Variants in SPAM1 observed in about 807,000 individuals in gnomAD.
The protein encoded by SPAM1 is hyaluronidase PH-20.
A neutral mutation model predicts 29.6 loss-of-function variants in SPAM1; 22 were observed. The ratio of observed to expected loss-of-function variants is 0.74; its 90% CI spans 0.53 to 1.06. The LOEUF is 1.06. Among genes scored for constraint, SPAM1 ranks in the 50% least tolerant of loss-of-function variants. SPAM1 has a pLI of 0.00. For synonymous variants in SPAM1, 194 were observed against 204.6 expected, an observed-to-expected ratio of 0.95 and a Z score of 0.44; for missense variants, 534 against 604.0, an observed-to-expected ratio of 0.88 and a Z score of 1.21.
chr7:123,959,803 T>A lies in SPAM1; in HGVS notation c.1364T>A (p.Val455Asp). ...EKADVKDTDAVDVCIADGVCI... is the reference protein window; with the variant it reads ...EKADVKDTDADDVCIADGVCI... ...GCTGATGTAAAAGACACTGATGCTG[T>A]TGATGTGTGTATTGCTGATGGTGTC... The change falls in exon 5 of 5, where the codon GTT becomes GAT. Residue 455 changes from valine (V) to aspartate (D), a missense_variant. Physicochemically the swap from Val to Asp is radical, Grantham distance 152. Transcript: ENST00000682466. 1 of 1,613,260 alleles carries A rather than the reference T, an allele frequency of 6.2e-7. No individual in the cohort carries two copies. Among genetic ancestry groups the A allele is most frequent in the Non-Finnish European group, 8.5e-7 (1 of 1,179,550 alleles).
chr7:123,939,309 A>G lies in SPAM1; in HGVS notation c.-318-10563A>G, dbSNP rs560666139. 1.4e-4 allele frequency among the ~76,000 whole-genome samples: 22 copies of G among 151,790 alleles called. No individual in the cohort carries two copies. The South Asian group carries it at 4.4e-3, about 30-fold the overall frequency. ...ACCATGTTAGCCAGGATGGTCTCCA[A>G]CTCCTGACCTCGTGATCTGCCCGCC... On this transcript the variant is annotated intron_variant, in intron 1 of 4. Coordinates refer to ENST00000682466, the MANE Select transcript of SPAM1 (RefSeq NM_153189.3).
chr7:123,932,221 G>A (rs1584946829), intron 1 of SPAM1: 1 of 152,266 alleles, frequency 6.6e-6, no homozygotes, highest in Admixed American at 6.5e-5. Flanking sequence ...GGTATCTATG[G>A]CTAGGAGGGC....
rs183255393 is a variant in SPAM1 at position 123,931,027 on chromosome 7, C to G, written c.-319+5675C>G. ...GGTGTTCTTAAGTCACTACTCTCAA[C>G]TGCGTCTGCCATACTGACCCCTCAT... On this transcript the variant is annotated intron_variant, in intron 1 of 4. Coordinates refer to ENST00000682466, the MANE Select transcript of SPAM1 (RefSeq NM_153189.3). 5.4e-4 allele frequency among the ~76,000 whole-genome samples: 82 copies of G among 152,202 alleles called. 1 individual carries two copies. Among genetic ancestry groups the G allele is most frequent in the Non-Finnish European group, 1.0e-3 (69 of 68,014 alleles).
chr7:123,959,486 A>G lies in SPAM1; in HGVS notation c.1047A>G (p.Lys349=), dbSNP rs758102741. The stretch of plus-strand genomic sequence containing the variant: ...ACTGTCTTATAATAATTTTACAGAA[A>G]TCTTGCTTGCTCCTAGACAATTACA... ...WGTLSIMRSM[K]SCLLLDNYME... is the part of the protein sequence containing the mutation. The change falls in exon 5 of 5, where the codon AAA becomes AAG. Residue 349 remains lysine, a splice_region_variant and synonymous_variant. Coordinates refer to ENST00000682466, the MANE Select transcript of SPAM1 (RefSeq NM_153189.3). 4 of 1,575,702 alleles carry G rather than the reference A, an allele frequency of 2.5e-6. No homozygotes were observed. The South Asian group carries it at 4.7e-5, about 18-fold the overall frequency.
intron 1 of SPAM1, among the ~76,000 whole-genome samples, chr7:123,928,191 G>A (rs1390209387): frequency 6.6e-6 from 1 of 151,940 alleles, no homozygotes; most frequent in Non-Finnish European, 1.5e-5. Flanking sequence ...AGAGTACTGC[G>A]CTACTTACAG....
chr7:123,958,518 T>A (rs559070504), intron 4 of SPAM1, among the ~76,000 whole-genome samples: 2 of 152,142 alleles, frequency 1.3e-5, no homozygotes, highest in East Asian at 3.9e-4. Flanking sequence ...AAGCCATCCT[T>A]TTCCATGCTA....
intron 5 of SPAM1, chr7:123,970,092 A>G: frequency 1.7e-6 from 2 of 1,165,980 alleles, no homozygotes; most frequent in Non-Finnish European, 2.4e-6. Flanking sequence ...GTCTCCTGGT[A>G]TTTATTCTGT....
intron 1 of SPAM1, among the ~76,000 whole-genome samples, chr7:123,946,264 C>A (rs553840052): frequency 6.6e-6 from 1 of 152,084 alleles, no homozygotes; most frequent in Non-Finnish European, 1.5e-5. Flanking sequence ...GCAAAATAAA[C>A]GTTAGATCTC....
chr7:123,925,734 A>C lies in SPAM1; in HGVS notation c.-319+382A>C, dbSNP rs1164704347. 5.1e-5 allele frequency: 3 copies of C among 59,380 alleles called. 1 individual carries two copies. The East Asian group carries it at 1.5e-3, about 30-fold the overall frequency. The allele number at this position is 59,380 out of a possible 1,614,324, so 3.7% of individuals were successfully genotyped here. ...CTGGGTGACAGAGTGAGACTCTGTC[A>C]CAAAAAAAAAAAAAAAGGCATTACA... On this transcript the variant is annotated intron_variant, in intron 1 of 4. Transcript: ENST00000682466.
At chr7:123,942,413 GA>G (rs1408613205) in intron 1 of SPAM1, among the ~76,000 whole-genome samples, 1 of 152,124 alleles carries the variant, frequency 6.6e-6, no homozygotes, top group Non-Finnish European at 1.5e-5. Flanking sequence ...GAGATAGTTT[GA>G]AACACATTTT....
intron 1 of SPAM1, 160 bp downstream of exon 1, chr7:123,925,512 ATG>A (rs1807849828): frequency 6.6e-6 from 1 of 152,122 alleles, no homozygotes; most frequent in Non-Finnish European, 1.5e-5. Flanking sequence ...AGAAGTTTTA[ATG>A]AGTAATCCAG....
chr7:123,938,199 C>T (rs2117032733), intron 1 of SPAM1, among the ~76,000 whole-genome samples: 1 of 152,066 alleles, frequency 6.6e-6, no homozygotes, highest in East Asian at 1.9e-4. Flanking sequence ...AACTCCTGGC[C>T]TCAAGTGATT....
intron 4 of SPAM1, among the ~76,000 whole-genome samples, chr7:123,959,016 G>A (rs1792305604): frequency 6.6e-6 from 1 of 151,882 alleles, no homozygotes; most frequent in African/African-American, 2.4e-5. Flanking sequence ...TTTCCAGATG[G>A]TAAAGCTGAA....
At chr7:123,943,057 ATTAAAAG>A (rs1417665665) in intron 1 of SPAM1, among the ~76,000 whole-genome samples, 1 of 152,240 alleles carries the variant, frequency 6.6e-6, no homozygotes, top group African/African-American at 2.4e-5. Context: ...TTACTCAATT[ATTAAAAG>A]CTGTAAATAT....
intron 2 of SPAM1, among the ~76,000 whole-genome samples, chr7:123,952,499 G>T (rs1231240379): frequency 6.6e-6 from 1 of 152,012 alleles, no homozygotes; most frequent in Non-Finnish European, 1.5e-5. Context: ...AATACTAAAT[G>T]CTGAGTATAT....
intron 1 of SPAM1, among the ~76,000 whole-genome samples, chr7:123,947,414 G>A (rs1160660992): frequency 6.6e-6 from 1 of 152,014 alleles, no homozygotes; most frequent in African/African-American, 2.4e-5. Context: ...TCCAGGTTTG[G>A]TGGTGTGCGC....
At chr7:123,961,683 A>G (rs1792361044), downstream of SPAM1, among the ~76,000 whole-genome samples, 1 of 151,910 alleles carries the variant, frequency 6.6e-6, no homozygotes. Context: ...GCTGTATCCT[A>G]TATGTATTGC....
At chr7:123,960,181 C>G, downstream of SPAM1, 1 of 601,664 alleles carries the variant, frequency 1.7e-6, no homozygotes, top group South Asian at 3.4e-5. Flanking sequence ...GATTTGTATT[C>G]CAGGAGTCAA....
rs529562340 is a variant in SPAM1 at position 123,946,824 on chromosome 7, TGTCTCAG to T, written c.-318-3045_-318-3039del. 1.1e-3 allele frequency among the ~76,000 whole-genome samples: 165 copies of T among 152,304 alleles called. 1 individual carries two copies. Among genetic ancestry groups the T allele is most frequent in the East Asian group, 9.5e-3 (49 of 5,168 alleles). On this transcript the variant is annotated intron_variant, in intron 1 of 4. Transcript: ENST00000682466. ...GGTAGAGGAAGCAATCAGATACGCA[TGTCTCAG>T]GTGAGCCTCAGTGGGATGACTTTGA...
Sources: allele counts gnomAD v4.1 joint callset (sites outside exome capture counted in the v4.1 genomes callset), GRCh38; gene constraint gnomAD v4.1.1; transcripts MANE v1.5; gene names NCBI Gene and HGNC (gene_info 2026-07-23, HGNC 2026-07-21).